Variants in CHMP3 observed in about 807,000 individuals in gnomAD.
CHMP3 encodes 25.1 protein.
Under a neutral mutation model 27.4 loss-of-function variants are expected in CHMP3, and 8 were observed. The observed-to-expected ratio is 0.29, with a 90% CI of 0.17 to 0.53. The LOEUF (loss-of-function observed/expected upper bound fraction) is 0.53. CHMP3 is among the 20% of genes least tolerant of loss of function. The pLI is 0.96. For missense variants in CHMP3, 208 were observed against 271.5 expected (o/e 0.77, Z 1.64); for synonymous variants, 86 against 85.5 (o/e 1.01, Z -0.03).
intron 1 of CHMP3, among the ~76,000 whole-genome samples, chr2:86,554,657 G>T (rs1677041795): frequency 6.6e-6 from 1 of 152,092 alleles, no homozygotes; most frequent in South Asian, 2.1e-4. Flanking sequence ...TTTGTACAAA[G>T]AAGTCATATC....
intron 4 of CHMP3, 84 bp downstream of exon 4, chr2:86,510,274 A>AAACCAAGC: frequency 1.5e-6 from 1 of 664,028 alleles, no homozygotes; most frequent in Non-Finnish European, 2.6e-6. Flanking sequence ...GTTCATCCCC[A>AAACCAAGC]CCCACCCTCA....
intron 1 of CHMP3, among the ~76,000 whole-genome samples, chr2:86,545,538 C>G (rs370546237): frequency 9.9e-5 from 3 of 30,216 alleles, no homozygotes; most frequent in Admixed American, 2.9e-4. Context: ...ACTTCCCAGA[C>G]GGGGCGACTG....
At chr2:86,537,111 T>A (rs185358101) in intron 2 of CHMP3, among the ~76,000 whole-genome samples, 5 of 152,302 alleles carry the variant, frequency 3.3e-5, no homozygotes, top group African/African-American at 1.2e-4. Flanking sequence ...GCAACACACC[T>A]GCCTCAGCCT....
intron 2 of CHMP3, among the ~76,000 whole-genome samples, chr2:86,533,468 T>C (rs537604350): frequency 1.4e-4 from 21 of 152,284 alleles, no homozygotes; most frequent in Non-Finnish European, 2.4e-4. Flanking sequence ...TTTGTTCTTG[T>C]TCTGTTTCCT....
At chr2:86,552,947 T>G (rs567808223) in intron 1 of CHMP3, among the ~76,000 whole-genome samples, 7 of 149,922 alleles carry the variant, frequency 4.7e-5, no homozygotes, top group Admixed American at 2.7e-4. Context: ...TAAGTGGGAG[T>G]TGAATGATGA....
intron 2 of CHMP3, among the ~76,000 whole-genome samples, chr2:86,529,743 A>G (rs765196064): frequency 6.6e-6 from 1 of 152,184 alleles, no homozygotes; most frequent in African/African-American, 2.4e-5. Flanking sequence ...CTATACAGTC[A>G]CCAATCATTT....
Position 86,548,688 on chromosome 2 carries a change from G to A in CHMP3, c.46-6376C>T, listed in dbSNP as rs573579772. ...GCCATCGTCATCATGGCCTGTTCTC[G>A]ATGGTCACTGTCTCTTCGGAGCTAT... On this transcript the variant is annotated intron_variant, in intron 1 of 5. Transcript: ENST00000263856. Among the ~76,000 whole-genome samples the A allele has an allele frequency of 3.9e-5, 6 of 152,206 alleles. No individual in the cohort carries two copies. In the South Asian group the frequency reaches 8.3e-4, roughly 21 times the overall value.
intron 2 of CHMP3, among the ~76,000 whole-genome samples, chr2:86,535,848 C>T (rs1558653813): frequency 6.6e-6 from 1 of 152,070 alleles, no homozygotes; most frequent in Non-Finnish European, 1.5e-5. Context: ...ACTATGCTCT[C>T]ATAAAACTCT....
intron 2 of CHMP3, among the ~76,000 whole-genome samples, chr2:86,534,958 T>G (rs1212839779): frequency 6.6e-6 from 1 of 152,112 alleles, no homozygotes; most frequent in Non-Finnish European, 1.5e-5. Flanking sequence ...CCATTTACAT[T>G]CAAAGTAATT....
intron 3 of CHMP3, among the ~76,000 whole-genome samples, chr2:86,524,909 C>G (rs1675640979): frequency 6.6e-6 from 1 of 152,206 alleles, no homozygotes; most frequent in Non-Finnish European, 1.5e-5. Context: ...TCCAACTTCT[C>G]TCCTCAGAAG....
chr2:86,549,762 A>G (rs1676815157), intron 1 of CHMP3, among the ~76,000 whole-genome samples: 1 of 146,356 alleles, frequency 6.8e-6, no homozygotes, highest in Non-Finnish European at 1.5e-5. Flanking sequence ...GGCCAGGCAG[A>G]GGCGCTCCTC....
intron 1 of CHMP3, among the ~76,000 whole-genome samples, chr2:86,547,078 T>C (rs1676638807): frequency 6.6e-6 from 1 of 152,162 alleles, no homozygotes; most frequent in Non-Finnish European, 1.5e-5. Context: ...ACAGAATAGG[T>C]TCAACCCTCC....
rs1675827822 is a variant in CHMP3, at chr2:86,529,339, G to T, written c.165C>A (p.Gly55=). ...CCAGAACTATGCAGACATCCTTCTG[G>T]CCCTTCTTGGCAGCATCTTTCACAG... ...KRSVKDAAKK[G]QKDVCIVLAK... The change falls in exon 3 of 6, where the codon GGC becomes GGA. Residue 55 remains glycine, a synonymous_variant. Transcript: ENST00000263856. The T allele has an allele frequency of 6.2e-7, 1 of 1,611,002 alleles. No individual in the cohort carries two copies. Among genetic ancestry groups the T allele is most frequent in the Non-Finnish European group, 8.5e-7 (1 of 1,179,060 alleles).
intron 1 of CHMP3, among the ~76,000 whole-genome samples, chr2:86,547,160 C>A (rs1410694648): frequency 1.3e-5 from 2 of 152,152 alleles, no homozygotes; most frequent in Admixed American, 6.5e-5. Context: ...TGATTACTTA[C>A]AAATATAGAC....
At chr2:86,538,145 T>G (rs543619988) in intron 2 of CHMP3, among the ~76,000 whole-genome samples, 24 of 152,192 alleles carry the variant, frequency 1.6e-4, no homozygotes, top group Non-Finnish European at 3.1e-4. Context: ...AAAAACATTA[T>G]GTTAAGTGAA....
chr2:86,517,160 T>C (rs1675340951), intron 3 of CHMP3, among the ~76,000 whole-genome samples: 1 of 152,208 alleles, frequency 6.6e-6, no homozygotes. Context: ...AACATTACAT[T>C]CCCACACCTG....
At chr2:86,506,595 G>C (rs2104736520) in intron 5 of CHMP3, among the ~76,000 whole-genome samples, 1 of 146,922 alleles carries the variant, frequency 6.8e-6, no homozygotes, top group East Asian at 2.0e-4. Flanking sequence ...TAACACAAAT[G>C]ATTTTATTAG....
chr2:86,553,612 G>A (rs1047087667), intron 1 of CHMP3, among the ~76,000 whole-genome samples: 2 of 152,142 alleles, frequency 1.3e-5, no homozygotes, highest in Non-Finnish European at 2.9e-5. Flanking sequence ...TTATAGGCGT[G>A]AGCCACCGCG....
intron 3 of CHMP3, chr2:86,527,053 T>C (rs1306377177): frequency 6.6e-6 from 1 of 152,098 alleles, no homozygotes; most frequent in South Asian, 2.1e-4. Flanking sequence ...TCAACTTTTG[T>C]AATAATGCTT....
Sources: gnomAD v4.1 joint callset for allele counts (sites outside exome capture counted in the v4.1 genomes callset) on GRCh38, gnomAD v4.1.1 for gene constraint, MANE v1.5 for transcripts, NCBI Gene and HGNC (gene_info 2026-07-23, HGNC 2026-07-21) for gene names.